SH3GLB1: variants seen among roughly 807,000 people sequenced by gnomAD.
The protein encoded by SH3GLB1 is endophilin-B1.
Under a neutral mutation model 42.0 loss-of-function variants are expected in SH3GLB1, and 17 were observed. The ratio of observed to expected loss-of-function variants is 0.40; its 90% CI spans 0.28 to 0.61. The LOEUF (loss-of-function observed/expected upper bound fraction) is 0.61. SH3GLB1 is among the 20% of genes least tolerant of loss of function. The pLI, the probability that SH3GLB1 is intolerant of heterozygous loss-of-function variation, is 0.36. For synonymous variants in SH3GLB1, 132 were observed against 146.6 expected (o/e 0.90, Z 0.72); for missense variants, 355 against 426.3 (o/e 0.83, Z 1.47).
chr1:86,738,110 C>G (rs768108256), intron 7 of SH3GLB1, among the ~76,000 whole-genome samples: 2 of 152,156 alleles, frequency 1.3e-5, no homozygotes, highest in Non-Finnish European at 2.9e-5. Context: ...TGGAAGCTGA[C>G]TGATCTGTTT....
Position 86,744,911 on chromosome 1 carries a change from C to A in SH3GLB1, c.*1676C>A, listed in dbSNP as rs1019000240. On this transcript the variant is annotated 3_prime_UTR_variant, in exon 9 of 9. Transcript: ENST00000370558. ...CAATTGCCATATTCTTAAAGAAACC[C>A]TGAAAAGCTGCTCAAGCTGGTCAGT... 6.6e-6 allele frequency: 1 copy of A among 152,142 alleles called. No individual in the cohort carries two copies. Among genetic ancestry groups the A allele is most frequent in the Admixed American group, 6.5e-5 (1 of 15,276 alleles). 9.4% of individuals were successfully genotyped at this position (152,142 alleles called of 1,614,324 possible). A position where few individuals can be genotyped will look rare whatever the true frequency, so the allele number is the denominator to read the frequency against.
chr1:86,724,880 A>ATATATATATATATATATATATATAT (rs1284567743), intron 5 of SH3GLB1, among the ~76,000 whole-genome samples: 5 of 103,878 alleles, frequency 4.8e-5, no homozygotes, highest in Non-Finnish European at 5.5e-5. Flanking sequence ...TCTTTAAAAA[A>ATATATATATATATATATATATATAT]AAAAAAAAAA....
At chr1:86,714,850 A>G (rs1422099724) in intron 1 of SH3GLB1, among the ~76,000 whole-genome samples, 1 of 111,386 alleles carries the variant, frequency 9.0e-6, no homozygotes, top group Admixed American at 8.7e-5. Flanking sequence ...ATGTTTAATT[A>G]AAAGTATCCA....
At chr1:86,734,899 T>C (rs1655704301) in intron 6 of SH3GLB1, among the ~76,000 whole-genome samples, 180 bp from the exon 7 acceptor site, 1 of 152,200 alleles carries the variant, frequency 6.6e-6, no homozygotes, top group Admixed American at 6.5e-5. Flanking sequence ...TGTTGTTGTT[T>C]ATTGGCTAAG....
At chr1:86,710,376 T>C (rs1444158993) in intron 1 of SH3GLB1, among the ~76,000 whole-genome samples, 1 of 152,136 alleles carries the variant, frequency 6.6e-6, no homozygotes, top group Non-Finnish European at 1.5e-5. Context: ...GCTATCCTCC[T>C]TCCTCAGCCC....
chr1:86,734,687 C>T lies in SH3GLB1; in HGVS notation c.656C>T (p.Thr219Ile), dbSNP rs375726643. 114 of 1,608,318 alleles carry T rather than the reference C, an allele frequency of 7.1e-5. No individual in the cohort carries two copies. Among genetic ancestry groups the T allele is most frequent in the Non-Finnish European group, 9.4e-5 (110 of 1,175,222 alleles). The change falls in exon 6 of 9, where the codon ACA becomes ATA. Residue 219 changes from threonine to isoleucine, a missense_variant. Coordinates refer to ENST00000370558, the MANE Select transcript of SH3GLB1 (RefSeq NM_016009.5). The part of the protein sequence containing the change: ...TRLLLEGISS[T>I]HAHHLRCLND... Reference sequence around the variant, plus strand: ...CTTCTGCTAGAGGGAATCAGCAGTACACATGTGAGTATTCATTCATTGGAA... The same window carrying T: ...CTTCTGCTAGAGGGAATCAGCAGTATACATGTGAGTATTCATTCATTGGAA...
chr1:86,734,671 G>C lies in SH3GLB1; in HGVS notation c.640G>C (p.Glu214Gln). 1.2e-6 allele frequency: 2 copies of C among 1,612,826 alleles called. No homozygotes were observed. Among genetic ancestry groups the C allele is most frequent in the Non-Finnish European group, 1.7e-6 (2 of 1,178,974 alleles). ...AGCAGAGATTACCAGACTTCTGCTA[G>C]AGGGAATCAGCAGTACACATGTGAG... Reference protein sequence around the residue: ...RQAEITRLLLEGISSTHAHHL... With the variant: ...RQAEITRLLLQGISSTHAHHL... The change falls in exon 6 of 9, where the codon GAG becomes CAG. Residue 214 changes from glutamate to glutamine, a missense_variant. Glu to Gln is a conservative substitution (Grantham distance 29, BLOSUM62 2). Transcript: ENST00000370558.
rs780338485 is a variant in SH3GLB1 at position 86,735,107 on chromosome 1, T to C, written c.689T>C (p.Phe230Ser). ...HAHHLRCLND[F>S]VEAQMTYYAQ... The stretch of plus-strand genomic sequence containing the variant: ...CATCACCTTCGCTGTCTGAATGACT[T>C]TGTAGAAGCCCAGATGACTTACTAT... The change falls in exon 7 of 9, where the codon TTT becomes TCT. Residue 230 changes from phenylalanine (F) to serine (S), a missense_variant. By Grantham distance (155) the Phe-to-Ser change is radical. Transcript: ENST00000370558. The C allele has an allele frequency of 2.5e-6, 4 of 1,612,998 alleles. No individual in the cohort carries two copies. Among genetic ancestry groups the C allele is most frequent in the Non-Finnish European group, 1.7e-6 (2 of 1,179,140 alleles).
intron 3 of SH3GLB1, among the ~76,000 whole-genome samples, chr1:86,721,786 A>G (rs1047822434): frequency 3.3e-5 from 5 of 152,132 alleles, no homozygotes; most frequent in African/African-American, 1.2e-4. Context: ...CTCGATATCC[A>G]TGGGGGATTG....
At chr1:86,718,275 ACATCAAGTGGTCTACCTGC>A (rs1654668421) in intron 2 of SH3GLB1, among the ~76,000 whole-genome samples, 1 of 151,960 alleles carries the variant, frequency 6.6e-6, no homozygotes, top group Admixed American at 6.6e-5. Context: ...CAAACTCCTG[ACATCAAGTGGTCTACCTGC>A]CTTGGCCTCC....
intron 2 of SH3GLB1, among the ~76,000 whole-genome samples, chr1:86,716,449 TTG>T (rs1654540920): frequency 6.6e-6 from 1 of 151,906 alleles, no homozygotes; most frequent in Non-Finnish European, 1.5e-5. Flanking sequence ...TAATTTTTTT[TTG>T]TGTGTGTGTC....
rs181559680 is a variant in SH3GLB1 at position 86,720,951 on chromosome 1, A to C, written c.343+1316A>C. 3.8e-3 allele frequency among the ~76,000 whole-genome samples: 584 copies of C among 152,328 alleles called. 4 individuals carry two copies. Among genetic ancestry groups the C allele is most frequent in the Middle Eastern group, 0.034 (10 of 294 alleles). On this transcript the variant is annotated intron_variant, in intron 3 of 8. Transcript: ENST00000370558. ...GAATTTTACTGTTAATTTTTAGAAAAATGTTATACATTAAACAGATGTTTT... is the reference window on the plus strand; with the variant it reads ...GAATTTTACTGTTAATTTTTAGAAACATGTTATACATTAAACAGATGTTTT...
intron 4 of SH3GLB1, 59 bp from the exon 5 acceptor site, chr1:86,724,254 A>T: frequency 8.5e-7 from 1 of 1,181,244 alleles, no homozygotes. Flanking sequence ...TTAAATGTGT[A>T]TGCTCTTAAC....
Position 86,722,601 on chromosome 1 carries a change from G to T in SH3GLB1, c.405G>T (p.Leu135=). 1 of 1,610,000 alleles carries T rather than the reference G, an allele frequency of 6.2e-7. No homozygotes were observed. The highest frequency in any genetic ancestry group is 2.2e-5 in the East Asian group (1 of 44,560). Residue 135 remains leucine (L), a synonymous_variant, in exon 4 of 9, where the codon CTG becomes CTT. Coordinates refer to ENST00000370558, the MANE Select transcript of SH3GLB1 (RefSeq NM_016009.5). ...QKRIGTADRE[L]IQTSALNFLT... ...GAATTGGAACAGCAGACAGAGAACT[G>T]ATTCAAACGTCAGCCTTAAATTTTC...
intron 7 of SH3GLB1, among the ~76,000 whole-genome samples, chr1:86,739,467 T>G (rs1373905564): frequency 6.6e-6 from 1 of 152,184 alleles, no homozygotes; most frequent in Non-Finnish European, 1.5e-5. Context: ...TTAGGAACAT[T>G]AAAGTCATTG....
chr1:86,707,917 A>G (rs1050323155), intron 1 of SH3GLB1, among the ~76,000 whole-genome samples: 7 of 152,108 alleles, frequency 4.6e-5, no homozygotes, highest in African/African-American at 1.7e-4. Context: ...AAGTGCTGGG[A>G]TTACAGGTGT....
intron 5 of SH3GLB1, among the ~76,000 whole-genome samples, chr1:86,726,579 C>G (rs1391661104): frequency 6.6e-6 from 1 of 151,966 alleles, no homozygotes; most frequent in African/African-American, 2.4e-5. Flanking sequence ...CACAGCTATT[C>G]TAGAACTTAC....
At chr1:86,730,197 G>A (rs990835377) in intron 5 of SH3GLB1, 2 of 1,524,084 alleles carry the variant, frequency 1.3e-6, no homozygotes, top group South Asian at 1.2e-5. Flanking sequence ...ACAACCCATG[G>A]GTCCAGTCAC....
In SH3GLB1 at chr1:86,715,785, T is replaced by A; in HGVS notation, c.134T>A (p.Leu45His). 3.1e-6 allele frequency: 5 copies of A among 1,612,834 alleles called. No homozygotes were observed. Among genetic ancestry groups the A allele is most frequent in the Non-Finnish European group, 4.2e-6 (5 of 1,179,686 alleles). Reference sequence around the variant, plus strand: ...GAATTGGATGCTCACTTAGAGAACCTCCTTAGCAAAGCTGAATGTACCAAA... The same window carrying A: ...GAATTGGATGCTCACTTAGAGAACCACCTTAGCAAAGCTGAATGTACCAAA... Reference protein sequence around the residue: ...KTELDAHLENLLSKAECTKIW... With the variant: ...KTELDAHLENHLSKAECTKIW... Residue 45 changes from leucine (L) to histidine (H), a missense_variant, in exon 2 of 9, where the codon CTC (leucine) becomes CAC (histidine). By Grantham distance (99) the Leu-to-His change is moderately conservative. Transcript: ENST00000370558.
Sources: gnomAD v4.1 joint callset for allele counts (sites outside exome capture counted in the v4.1 genomes callset) on GRCh38, gnomAD v4.1.1 for gene constraint, MANE v1.5 for transcripts, NCBI Gene and HGNC (gene_info 2026-07-23, HGNC 2026-07-21) for gene names.